Variants in KCNH8 observed in about 807,000 individuals in gnomAD.
KCNH8 encodes the protein voltage-gated delayed rectifier potassium channel KCNH8.
KCNH8 carries 70 observed loss-of-function variants against 103.6 expected under a neutral mutation model. The observed-to-expected ratio is 0.68, with a 90% CI of 0.56 to 0.82. KCNH8 has a LOEUF of 0.82. Ranked by LOEUF, KCNH8 falls within the 40% of genes least tolerant of loss-of-function variation. The pLI, the probability that KCNH8 is intolerant of heterozygous loss-of-function variation, is 0.00. For missense variants in KCNH8, 1,217 were observed against 1,329.9 expected, an observed-to-expected ratio of 0.92 and a Z score of 1.32; for synonymous variants, 498 against 489.4, an observed-to-expected ratio of 1.02 and a Z score of -0.23.
At chr3:19,472,008 G>C (rs60942804) in intron 11 of KCNH8, among the ~76,000 whole-genome samples, 6,619 of 152,232 alleles carry the variant, frequency 0.043, 350 homozygotes, top group East Asian at 0.26. Context: ...ACTTCAATTA[G>C]AAAGTTTTTT....
chr3:19,322,825 A>G (rs1222511707), intron 3 of KCNH8, among the ~76,000 whole-genome samples: 5 of 152,094 alleles, frequency 3.3e-5, no homozygotes, highest in Non-Finnish European at 5.9e-5. Flanking sequence ...AGGAACACCA[A>G]TTATTCTTAG....
intron 1 of KCNH8, among the ~76,000 whole-genome samples, chr3:19,192,620 A>G (rs1194536385): frequency 3.3e-5 from 5 of 151,656 alleles, no homozygotes; most frequent in African/African-American, 1.2e-4. Context: ...GGTATTTGGG[A>G]AACGAGGAGA....
At chr3:19,209,143 A>T (rs1396788553) in intron 1 of KCNH8, among the ~76,000 whole-genome samples, 1 of 152,050 alleles carries the variant, frequency 6.6e-6, no homozygotes, top group Non-Finnish European at 1.5e-5. Context: ...GTATAGCCAT[A>T]AAGGAGTAAA....
intron 2 of KCNH8, among the ~76,000 whole-genome samples, chr3:19,256,115 A>C (rs759144610): frequency 3.3e-5 from 5 of 152,160 alleles, no homozygotes; most frequent in Admixed American, 6.6e-5. Context: ...TGTGCAGTGT[A>C]GATGCTTAGC....
intron 3 of KCNH8, among the ~76,000 whole-genome samples, chr3:19,337,969 A>AACAC (rs1172457702): frequency 4.7e-4 from 71 of 150,788 alleles, no homozygotes; most frequent in Non-Finnish European, 7.5e-4. Flanking sequence ...AAAAAAAATA[A>AACAC]ACACACACAC....
At chr3:19,518,395 A>G (rs113275317) in intron 15 of KCNH8, among the ~76,000 whole-genome samples, 1 of 152,178 alleles carries the variant, frequency 6.6e-6, no homozygotes, top group South Asian at 2.1e-4. Flanking sequence ...TTTAATTGGT[A>G]CATTTTAAAC....
At chr3:19,149,861 TG>T (rs2063112020) in intron 1 of KCNH8, among the ~76,000 whole-genome samples, 1 of 152,250 alleles carries the variant, frequency 6.6e-6, no homozygotes, top group Admixed American at 6.5e-5. Flanking sequence ...GTATATTTCT[TG>T]GAGCTGATAT....
At chr3:19,477,010 T>G (rs1434450875) in intron 11 of KCNH8, among the ~76,000 whole-genome samples, 2 of 152,136 alleles carry the variant, frequency 1.3e-5, no homozygotes, top group African/African-American at 2.4e-5. Flanking sequence ...ATGAAGGGAC[T>G]GAGAAAGAAA....
At chr3:19,394,714 A>G (rs1415972738) in intron 6 of KCNH8, among the ~76,000 whole-genome samples, 1 of 152,036 alleles carries the variant, frequency 6.6e-6, no homozygotes, top group Non-Finnish European at 1.5e-5. Flanking sequence ...AAGCAATTTC[A>G]TTACACAGGG....
chr3:19,330,757 T>G (rs1276207582), intron 3 of KCNH8, among the ~76,000 whole-genome samples: 1 of 152,202 alleles, frequency 6.6e-6, no homozygotes, highest in East Asian at 1.9e-4. Context: ...CAGGACTTCC[T>G]AGGCAAATTT....
At chr3:19,271,514 A>C (rs113837789) in intron 2 of KCNH8, among the ~76,000 whole-genome samples, 2,284 of 152,200 alleles carry the variant, frequency 0.015, 68 homozygotes, top group African/African-American at 0.052. Context: ...CCACCACCTA[A>C]CTTTAAGATA....
At chr3:19,403,084 G>C (rs1179276347) in intron 7 of KCNH8, among the ~76,000 whole-genome samples, 1 of 151,642 alleles carries the variant, frequency 6.6e-6, no homozygotes, top group African/African-American at 2.4e-5. Flanking sequence ...TCTCTCAAAA[G>C]ATCTTATAAT....
intron 10 of KCNH8, among the ~76,000 whole-genome samples, chr3:19,452,779 T>C (rs2067469087): frequency 2.0e-5 from 3 of 152,184 alleles, no homozygotes. Context: ...AGACAGATGG[T>C]GAAGGTATTT....
chr3:19,415,126 A>T (rs533809456), intron 7 of KCNH8, among the ~76,000 whole-genome samples: 1 of 152,106 alleles, frequency 6.6e-6, no homozygotes, highest in South Asian at 2.1e-4. Flanking sequence ...ATTAACTTCT[A>T]TGTGAATAAT....
chr3:19,434,461 TGAG>T (rs1214525324), intron 7 of KCNH8, among the ~76,000 whole-genome samples: 1 of 152,204 alleles, frequency 6.6e-6, no homozygotes, highest in Non-Finnish European at 1.5e-5. Context: ...CTTCTGCAGC[TGAG>T]TAGTCCCATG....
At chr3:19,517,947 A>C in intron 14 of KCNH8, 51 bp from the exon 15 acceptor site, 1 of 1,429,574 alleles carries the variant, frequency 7.0e-7, no homozygotes, top group Non-Finnish European at 9.8e-7. Flanking sequence ...CGATCCTCAA[A>C]TATAAGGTTT....
intron 1 of KCNH8, among the ~76,000 whole-genome samples, chr3:19,153,183 A>C (rs2063147439): frequency 6.6e-6 from 1 of 152,208 alleles, no homozygotes; most frequent in Non-Finnish European, 1.5e-5. Context: ...ACAATGAAGA[A>C]AGTGTTAGAA....
intron 11 of KCNH8, among the ~76,000 whole-genome samples, chr3:19,492,512 A>G (rs1197402137): frequency 6.6e-5 from 10 of 152,040 alleles, no homozygotes; most frequent in Admixed American, 6.6e-4. Context: ...TGAGTTTTCT[A>G]TTCTGTTCCA....
At chr3:19,281,910 A>G (rs567688235) in intron 3 of KCNH8, among the ~76,000 whole-genome samples, 4 of 152,254 alleles carry the variant, frequency 2.6e-5, no homozygotes, top group African/African-American at 9.6e-5. Context: ...TTTACCTTGT[A>G]TCTTCTGGTT....
Sources: allele counts gnomAD v4.1 joint callset (sites outside exome capture counted in the v4.1 genomes callset), GRCh38; gene constraint gnomAD v4.1.1; transcripts MANE v1.5; gene names NCBI Gene and HGNC (gene_info 2026-07-23, HGNC 2026-07-21).